The following DOK6 variants were observed in gnomAD, a reference collection of about 807,000 sequenced individuals.
DOK6 encodes docking protein 6.
A neutral mutation model predicts 44.0 loss-of-function variants in DOK6; 22 were observed. That is an observed-to-expected ratio of 0.50 (90% CI 0.36 to 0.71). The LOEUF (loss-of-function observed/expected upper bound fraction) is 0.71. Among genes scored for constraint, DOK6 ranks in the 30% least tolerant of loss-of-function variants. The probability of loss-of-function intolerance (pLI) is 0.00; values close to 1 mark genes in which losing one functional copy is unlikely to be tolerated. For missense variants in DOK6, 340 were observed against 416.4 expected (o/e 0.82, Z 1.60); for synonymous variants, 166 against 145.5 (o/e 1.14, Z -1.01).
At chr18:69,824,189 T>A (rs1219363610) in intron 7 of DOK6, among the ~76,000 whole-genome samples, 1 of 22,698 alleles carries the variant, frequency 4.4e-5, no homozygotes. Flanking sequence ...ATGCTATCCC[T>A]CCCCCCTCCC....
intron 7 of DOK6, among the ~76,000 whole-genome samples, chr18:69,778,538 C>T (rs1599321095): frequency 6.6e-6 from 1 of 152,148 alleles, no homozygotes; most frequent in African/African-American, 2.4e-5. Flanking sequence ...AGACATGAAA[C>T]CACTGTAAAC....
chr18:69,542,377 G>C (rs1982292536), intron 1 of DOK6, among the ~76,000 whole-genome samples: 1 of 151,372 alleles, frequency 6.6e-6, no homozygotes, highest in Admixed American at 6.6e-5. Flanking sequence ...ACTTTACAAT[G>C]GTGGGAAACA....
chr18:69,448,589 G>C (rs568069337), intron 1 of DOK6, among the ~76,000 whole-genome samples: 20 of 152,154 alleles, frequency 1.3e-4, no homozygotes, highest in African/African-American at 4.8e-4. Context: ...GGTCAGGCTG[G>C]TCTCAAACTC....
intron 1 of DOK6, among the ~76,000 whole-genome samples, chr18:69,437,775 T>C (rs1202917266): frequency 6.6e-6 from 1 of 152,308 alleles, no homozygotes; most frequent in East Asian, 1.9e-4. Context: ...CTTGGAAATA[T>C]TGTTCATTCA....
intron 1 of DOK6, among the ~76,000 whole-genome samples, chr18:69,484,946 G>A (rs10163829): frequency 0.24 from 36,126 of 152,026 alleles, 4,618 homozygotes; most frequent in East Asian, 0.53. Flanking sequence ...AAGGAAGAGC[G>A]TCACCTGCTG....
chr18:69,456,021 A>G (rs144818828), intron 1 of DOK6, among the ~76,000 whole-genome samples: 235 of 152,318 alleles, frequency 1.5e-3, no homozygotes, highest in African/African-American at 5.1e-3. Flanking sequence ...TGTTTGAAAT[A>G]TACATGATAC....
At chr18:69,709,608 C>T (rs935824918) in intron 5 of DOK6, among the ~76,000 whole-genome samples, 1 of 152,000 alleles carries the variant, frequency 6.6e-6, no homozygotes, top group African/African-American at 2.4e-5. Flanking sequence ...CTTTTACATA[C>T]ACATATCATA....
chr18:69,716,692 CAAAAAAAAAAA>C (rs11351701), intron 5 of DOK6, among the ~76,000 whole-genome samples: 5 of 104,776 alleles, frequency 4.8e-5, no homozygotes, highest in Admixed American at 4.1e-4. Flanking sequence ...GCAGAATTGA[CAAAAAAAAAAA>C]AAAAAAAAAA....
intron 7 of DOK6, among the ~76,000 whole-genome samples, chr18:69,835,109 T>TGGGGATTACAATTCAAGA (rs1194129950): frequency 1.3e-5 from 2 of 152,038 alleles, no homozygotes; most frequent in Non-Finnish European, 2.9e-5. Context: ...CCTCAACATC[T>TGGGGATTACAATTCAAGA]GGGGATTACA....
intron 3 of DOK6, among the ~76,000 whole-genome samples, chr18:69,622,881 T>G (rs541886685): frequency 1.3e-5 from 2 of 152,316 alleles, no homozygotes; most frequent in African/African-American, 4.8e-5. Context: ...GAAAATTGCT[T>G]GTGTTTACCA....
chr18:69,670,510 A>ATTTTT (rs34425516), intron 3 of DOK6, among the ~76,000 whole-genome samples: 3 of 137,094 alleles, frequency 2.2e-5, no homozygotes, highest in Admixed American at 1.5e-4. Flanking sequence ...TTGTGCATCA[A>ATTTTT]TTTTTTTTTT....
At chr18:69,653,009 A>G (rs954145374) in intron 3 of DOK6, among the ~76,000 whole-genome samples, 4 of 152,210 alleles carry the variant, frequency 2.6e-5, no homozygotes, top group African/African-American at 9.6e-5. Flanking sequence ...ACTTCTGGCT[A>G]TGGGGGACTT....
chr18:69,599,642 G>A (rs932676444), intron 3 of DOK6, 144 bp downstream of exon 3: 40 of 634,586 alleles, frequency 6.3e-5, no homozygotes, highest in East Asian at 2.5e-4. Context: ...GAAGCTCAAC[G>A]TATTGATTTC....
chr18:69,590,983 C>A (rs912345726), intron 2 of DOK6, among the ~76,000 whole-genome samples: 6 of 152,098 alleles, frequency 3.9e-5, no homozygotes, highest in African/African-American at 7.2e-5. Context: ...CTTGTCTTTT[C>A]TACTGGTTTT....
chr18:69,780,709 A>G (rs1980238298), intron 7 of DOK6, among the ~76,000 whole-genome samples: 4 of 152,224 alleles, frequency 2.6e-5, no homozygotes, highest in Admixed American at 2.6e-4. Context: ...ACATTAAACA[A>G]TCAATTATCT....
intron 1 of DOK6, among the ~76,000 whole-genome samples, chr18:69,513,382 G>A (rs1015832635): frequency 3.3e-5 from 5 of 152,080 alleles, no homozygotes; most frequent in African/African-American, 9.7e-5. Flanking sequence ...ATATACTCAC[G>A]CACACACGCA....
intron 1 of DOK6, among the ~76,000 whole-genome samples, chr18:69,406,659 G>A (rs1599116044): frequency 6.6e-6 from 1 of 152,208 alleles, no homozygotes; most frequent in Non-Finnish European, 1.5e-5. Flanking sequence ...AATAGATAGT[G>A]AGCAGGGAAG....
rs1057195129 is a variant in DOK6 at position 69,846,112 on chromosome 18, A to C, written c.*4729A>C. The C allele has an allele frequency of 2.0e-5, 3 of 152,196 alleles. No individual in the cohort carries two copies. Among genetic ancestry groups the C allele is most frequent in the African/African-American group, 7.2e-5 (3 of 41,452 alleles). 9.4% of individuals were successfully genotyped at this position (152,196 alleles called of 1,614,324 possible). A position where few individuals can be genotyped will look rare whatever the true frequency, so the allele number is the denominator to read the frequency against. On this transcript the variant is annotated 3_prime_UTR_variant, in exon 8 of 8. Transcript: ENST00000382713. ...TACTGAAGAATGTGACTATTGTAGC[A>C]TTCGTGCAATTATGCCAGCAGAGGA...
intron 3 of DOK6, among the ~76,000 whole-genome samples, chr18:69,603,510 A>G (rs534702517): frequency 5.1e-4 from 78 of 152,258 alleles, no homozygotes; most frequent in Non-Finnish European, 9.3e-4. Context: ...TGTGGCTCAC[A>G]CCTGTAATCC....
Sources: allele counts gnomAD v4.1 joint callset (sites outside exome capture counted in the v4.1 genomes callset), GRCh38; gene constraint gnomAD v4.1.1; transcripts MANE v1.5; gene names NCBI Gene and HGNC (gene_info 2026-07-23, HGNC 2026-07-21).